LAPTM4B: variants seen among roughly 807,000 people sequenced by gnomAD.
LAPTM4B encodes the protein lysosomal protein transmembrane 4 beta.
Under a neutral mutation model 28.5 loss-of-function variants are expected in LAPTM4B, and 26 were observed. That is an observed-to-expected ratio of 0.91 (90% CI 0.67 to 1.27). The LOEUF (loss-of-function observed/expected upper bound fraction) is 1.27. LAPTM4B is among the 50% of genes most tolerant of loss of function. LAPTM4B has a pLI of 0.00. For synonymous variants in LAPTM4B, 109 were observed against 106.4 expected (o/e 1.02, Z -0.15); for missense variants, 288 against 285.8 (o/e 1.01, Z -0.06).
intron 6 of LAPTM4B, among the ~76,000 whole-genome samples, chr8:97,829,172 G>A (rs1817139341): frequency 6.6e-6 from 1 of 152,174 alleles, no homozygotes; most frequent in Admixed American, 6.5e-5. Context: ...TGGTAGGGGA[G>A]CTGCGTGGAG....
Position 97,849,447 on chromosome 8 carries a change from G to A in LAPTM4B, c.604-1950G>A, listed in dbSNP as rs375835753. Among the ~76,000 whole-genome samples, 33 of 152,298 alleles carry A rather than the reference G, an allele frequency of 2.2e-4. No individual in the cohort carries two copies. In the South Asian group the frequency reaches 6.8e-3, roughly 32 times the overall value. On this transcript the variant is annotated intron_variant, in intron 6 of 6. Coordinates refer to ENST00000521545, the MANE Select transcript of LAPTM4B (RefSeq NM_018407.6). ...TTTCCTGCTGTGCTTCCTTACCTCAGGCATGTGTTCTGTACTGAGTGTATC... is the reference window on the plus strand; with the variant it reads ...TTTCCTGCTGTGCTTCCTTACCTCAAGCATGTGTTCTGTACTGAGTGTATC...
intron 6 of LAPTM4B, among the ~76,000 whole-genome samples, chr8:97,836,514 C>T (rs1474005709): frequency 6.6e-6 from 1 of 152,026 alleles, no homozygotes; most frequent in Non-Finnish European, 1.5e-5. Context: ...TTTCTTAAAC[C>T]TATGTGACCT....
At position 97,775,937 on chromosome 8, in the gene LAPTM4B, C is replaced by CAGCGGGCTCCAGGCGA; in HGVS notation, c.-73_-72insAGCGGGCTCCAGGCGA. ...GGCGGAGGAGCCGGCAGCAGCGGCGCGGCGGGCTCCAGGCGAGGCGGTCGA... is the reference window on the plus strand; with the variant it reads ...GGCGGAGGAGCCGGCAGCAGCGGCGCAGCGGGCTCCAGGCGAGGCGGGCTCCAGGCGAGGCGGTCGA... On this transcript the variant is annotated 5_prime_UTR_variant, in exon 1 of 7. Coordinates refer to ENST00000521545, the MANE Select transcript of LAPTM4B (RefSeq NM_018407.6). 2.1e-6 allele frequency: 3 copies of CAGCGGGCTCCAGGCGA among 1,451,680 alleles called. No homozygotes were observed. In the South Asian group the frequency reaches 4.3e-5, roughly 21 times the overall value. The allele number at this position is 1,451,680 out of a possible 1,614,324, so 89.9% of individuals were successfully genotyped here.
At chr8:97,818,968 G>A (rs1249814236) in intron 4 of LAPTM4B, among the ~76,000 whole-genome samples, 172 bp from the exon 5 acceptor site, 1 of 152,084 alleles carries the variant, frequency 6.6e-6, no homozygotes. Context: ...GATCACTGAC[G>A]TCTTTTATAT....
Position 97,836,550 on chromosome 8 carries a change from G to A in LAPTM4B, c.603+11397G>A, listed in dbSNP as rs370892286. Among the ~76,000 whole-genome samples the A allele has an allele frequency of 2.6e-5, 4 of 152,100 alleles. No homozygotes were observed. The East Asian group carries it at 5.8e-4, about 22-fold the overall frequency. On this transcript the variant is annotated intron_variant, in intron 6 of 6. Coordinates refer to ENST00000521545, the MANE Select transcript of LAPTM4B (RefSeq NM_018407.6). ...TGTTTACTAATACTAATAAAGGCCC[G>A]GATGGTGATAAGAGCCAGTATTATG...
chr8:97,787,775 CTT>C (rs1816426902), intron 1 of LAPTM4B, among the ~76,000 whole-genome samples: 1 of 152,168 alleles, frequency 6.6e-6, no homozygotes, highest in Non-Finnish European at 1.5e-5. Context: ...TTGCATCCCT[CTT>C]TCTCCATTAC....
At chr8:97,843,969 T>A (rs1212542903) in intron 6 of LAPTM4B, among the ~76,000 whole-genome samples, 4 of 152,144 alleles carry the variant, frequency 2.6e-5, no homozygotes, top group African/African-American at 9.7e-5. Context: ...ATCTCCTCTT[T>A]CCCTTTTTGT....
At chr8:97,847,283 T>C (rs1405758448) in intron 6 of LAPTM4B, among the ~76,000 whole-genome samples, 1 of 152,244 alleles carries the variant, frequency 6.6e-6, no homozygotes, top group Admixed American at 6.5e-5. Context: ...TTGGTTGTAT[T>C]AAGCATTGCT....
At chr8:97,790,926 CA>C (rs1431877303) in intron 1 of LAPTM4B, among the ~76,000 whole-genome samples, 4 of 152,014 alleles carry the variant, frequency 2.6e-5, no homozygotes, top group Non-Finnish European at 4.4e-5. Context: ...TTTTTTGAGA[CA>C]GGGGTCTCAC....
intron 1 of LAPTM4B, among the ~76,000 whole-genome samples, chr8:97,783,779 T>C (rs1586318394): frequency 6.6e-6 from 1 of 152,320 alleles, no homozygotes; most frequent in East Asian, 1.9e-4. Context: ...TTTGCCGTGA[T>C]CTAAACCCCT....
intron 6 of LAPTM4B, among the ~76,000 whole-genome samples, chr8:97,843,548 C>G (rs1382859514): frequency 1.3e-5 from 2 of 152,084 alleles, no homozygotes; most frequent in Non-Finnish European, 2.9e-5. Flanking sequence ...GAGGCTGAAG[C>G]GAGCAGGTCA....
At chr8:97,842,043 A>G (rs1490335658) in intron 6 of LAPTM4B, among the ~76,000 whole-genome samples, 3 of 152,198 alleles carry the variant, frequency 2.0e-5, no homozygotes, top group Admixed American at 2.0e-4. Context: ...GTGCAGGCAA[A>G]GGCAAACTTA....
At chr8:97,831,514 G>T (rs971527914) in intron 6 of LAPTM4B, among the ~76,000 whole-genome samples, 5 of 152,148 alleles carry the variant, frequency 3.3e-5, no homozygotes, top group Non-Finnish European at 5.9e-5. Context: ...TTTTGAGAAT[G>T]TATTTCCATA....
At chr8:97,794,745 G>C (rs1816555245) in intron 1 of LAPTM4B, among the ~76,000 whole-genome samples, 1 of 151,892 alleles carries the variant, frequency 6.6e-6, no homozygotes, top group Admixed American at 6.6e-5. Context: ...ATGGAGTCTC[G>C]CTCTGTCACC....
chr8:97,784,940 T>A (rs996551421), intron 1 of LAPTM4B, among the ~76,000 whole-genome samples: 1 of 152,184 alleles, frequency 6.6e-6, no homozygotes, highest in African/African-American at 2.4e-5. Flanking sequence ...TCCATCTGAT[T>A]TAAGGAATTG....
intron 1 of LAPTM4B, among the ~76,000 whole-genome samples, chr8:97,796,485 G>A (rs1816586072): frequency 6.6e-6 from 1 of 152,092 alleles, no homozygotes; most frequent in African/African-American, 2.4e-5. Flanking sequence ...GGACAGATTT[G>A]TTTATTATTG....
chr8:97,811,673 C>T (rs925124999), intron 2 of LAPTM4B, among the ~76,000 whole-genome samples: 1 of 152,204 alleles, frequency 6.6e-6, no homozygotes, highest in Non-Finnish European at 1.5e-5. Flanking sequence ...TCTTCACATA[C>T]CGCAGACTAA....
intron 6 of LAPTM4B, among the ~76,000 whole-genome samples, chr8:97,825,731 T>A (rs1241416521): frequency 6.6e-6 from 1 of 152,234 alleles, no homozygotes; most frequent in East Asian, 1.9e-4. Context: ...CATGAAAACA[T>A]ATGCACTTTA....
chr8:97,848,811 A>T (rs1012765958), intron 6 of LAPTM4B, among the ~76,000 whole-genome samples: 8 of 152,212 alleles, frequency 5.3e-5, no homozygotes, highest in African/African-American at 9.7e-5. Context: ...AGCTGTTTCC[A>T]CTTGTTATAA....
Sources: allele counts gnomAD v4.1 joint callset (sites outside exome capture counted in the v4.1 genomes callset), GRCh38; gene constraint gnomAD v4.1.1; transcripts MANE v1.5; gene names NCBI Gene and HGNC (gene_info 2026-07-23, HGNC 2026-07-21).